The following ARHGAP44 variants were observed in gnomAD, a reference collection of about 807,000 sequenced individuals.
ARHGAP44 encodes the protein rho GTPase-activating protein 44.
ARHGAP44 carries 43 observed loss-of-function variants against 106.8 expected under a neutral mutation model. That is an observed-to-expected ratio of 0.40 (90% CI 0.32 to 0.52). The LOEUF is 0.52. ARHGAP44 is among the 20% of genes least tolerant of loss of function. The pLI is 0.48. For missense variants in ARHGAP44, 866 were observed against 1,050.5 expected (o/e 0.82, Z 2.43); for synonymous variants, 439 against 410.3 (o/e 1.07, Z -0.85).
intron 1 of ARHGAP44, among the ~76,000 whole-genome samples, chr17:12,825,085 G>C (rs1217212522): frequency 6.6e-6 from 1 of 151,900 alleles, no homozygotes; most frequent in African/African-American, 2.4e-5. Context: ...ACCCAGGCTG[G>C]AGTTCAGTGG....
Position 12,952,568 on chromosome 17 carries a change from CACA to C in ARHGAP44, c.1130_1132del (p.Asn377del). On this transcript the variant is annotated inframe_deletion, in exon 13 of 21. Transcript: ENST00000379672. Reference sequence around the variant, plus strand: ...TTGTGAAAAGTTGCCCAAGGCCAATCACAACAACATCCGGTAAGTGGATACTTA... The same window carrying C: ...TTGTGAAAAGTTGCCCAAGGCCAATCACAACATCCGGTAAGTGGATACTTA... 1 of 1,572,010 alleles carries C rather than the reference CACA, an allele frequency of 6.4e-7. No individual in the cohort carries two copies.
In ARHGAP44 at chr17:12,896,454, C is replaced by T; in HGVS notation, c.141C>T (p.His47=). Residue 47 remains histidine (H), a synonymous_variant, in exon 3 of 21, where the codon CAC becomes CAT. Transcript: ENST00000379672. ...TGAAACAGGTGTCCCACAGCACGCA[C>T]AAGAAGCTCACCGCATGTCTGCAGG... is the stretch of plus-strand genomic sequence containing the variant. The part of the protein sequence containing the change: ...ELVKQVSHST[H]KKLTACLQGQ... 6.2e-7 allele frequency: 1 copy of T among 1,610,086 alleles called. No individual in the cohort carries two copies. Among genetic ancestry groups the T allele is most frequent in the African/African-American group, 1.3e-5 (1 of 74,968 alleles).
chr17:12,952,815 G>T lies in ARHGAP44; in HGVS notation c.1136+234G>T, dbSNP rs576795759. 2.8e-5 allele frequency among the ~76,000 whole-genome samples: 4 copies of T among 140,362 alleles called. No homozygotes were observed. The East Asian group carries it at 9.1e-4, about 32-fold the overall frequency. 92.1% of individuals were successfully genotyped at this position (140,362 alleles called of 152,430 possible). On this transcript the variant is annotated intron_variant, in intron 13 of 20. Coordinates refer to ENST00000379672, the MANE Select transcript of ARHGAP44 (RefSeq NM_014859.6). ...GTGGGATGATCTCAGCTCACTGCAAGCTCCGCCTCCCAGGTTCACACCATT... is the reference window on the plus strand; with the variant it reads ...GTGGGATGATCTCAGCTCACTGCAATCTCCGCCTCCCAGGTTCACACCATT...
intron 7 of ARHGAP44, among the ~76,000 whole-genome samples, chr17:12,936,907 C>A (rs927832435): frequency 6.6e-6 from 1 of 152,178 alleles, no homozygotes; most frequent in East Asian, 1.9e-4. Flanking sequence ...GATCCTTGTT[C>A]AGTCTGTTTT....
chr17:12,847,184 T>A (rs8070263), intron 1 of ARHGAP44, among the ~76,000 whole-genome samples: 220 of 152,358 alleles, frequency 1.4e-3, no homozygotes, highest in African/African-American at 4.9e-3. Context: ...AAAATGTGTT[T>A]TGCGTTGCTG....
chr17:12,857,698 C>T (rs2035950472), intron 1 of ARHGAP44, among the ~76,000 whole-genome samples: 1 of 152,148 alleles, frequency 6.6e-6, no homozygotes, highest in Non-Finnish European at 1.5e-5. Flanking sequence ...TAGGAAATGA[C>T]TAGTGACCGT....
At chr17:12,980,435 C>T (rs1172999611) in intron 19 of ARHGAP44, among the ~76,000 whole-genome samples, 2 of 152,180 alleles carry the variant, frequency 1.3e-5, no homozygotes, top group African/African-American at 2.4e-5. Flanking sequence ...CAGGTGGGCT[C>T]ATTAGGGGCG....
intron 13 of ARHGAP44, among the ~76,000 whole-genome samples, chr17:12,954,289 T>A (rs2039073976): frequency 6.6e-6 from 1 of 152,184 alleles, no homozygotes; most frequent in Admixed American, 6.5e-5. Flanking sequence ...ACACTGTGAA[T>A]GTACTTAATG....
intron 16 of ARHGAP44, among the ~76,000 whole-genome samples, chr17:12,964,552 G>A (rs2039344700): frequency 6.6e-6 from 1 of 152,176 alleles, no homozygotes; most frequent in Admixed American, 6.6e-5. Context: ...AGGCCAAGGT[G>A]GGCGGATCAC....
chr17:12,899,897 A>G (rs1345373004), intron 3 of ARHGAP44, among the ~76,000 whole-genome samples: 1 of 152,172 alleles, frequency 6.6e-6, no homozygotes, highest in Non-Finnish European at 1.5e-5. Flanking sequence ...CTCTTTAGTC[A>G]TGTGTTCCAA....
chr17:12,930,112 T>C (rs1247424798), intron 7 of ARHGAP44, among the ~76,000 whole-genome samples: 1 of 152,254 alleles, frequency 6.6e-6, no homozygotes, highest in East Asian at 1.9e-4. Flanking sequence ...GTGCAGCTGA[T>C]TTGTCATTTG....
intron 1 of ARHGAP44, among the ~76,000 whole-genome samples, chr17:12,831,519 G>A (rs1009265777): frequency 1.3e-5 from 2 of 152,148 alleles, no homozygotes; most frequent in South Asian, 4.1e-4. Context: ...GTAGAGTCAG[G>A]GAAGTGAAAA....
Position 12,868,221 on chromosome 17 carries a change from G to T in ARHGAP44, c.54-26719G>T, listed in dbSNP as rs186819393. Among the ~76,000 whole-genome samples the T allele has an allele frequency of 2.1e-3, 323 of 152,120 alleles. 2 individuals carry two copies. The highest frequency in any genetic ancestry group is 7.1e-3 in the African/African-American group (294 of 41,500). On this transcript the variant is annotated intron_variant, in intron 1 of 20. Transcript: ENST00000379672. ...CATCTTCTCTCTGCGTCTTCATATG[G>T]TCTTCCTTTTGTGTGTGTCTGTATC...
intron 1 of ARHGAP44, among the ~76,000 whole-genome samples, chr17:12,823,156 C>G (rs375415306): frequency 3.3e-5 from 5 of 152,232 alleles, no homozygotes; most frequent in African/African-American, 1.2e-4. Context: ...CTCAGTTTCC[C>G]TTAATACTTC....
At chr17:12,862,491 T>C (rs1456353977) in intron 1 of ARHGAP44, among the ~76,000 whole-genome samples, 4 of 152,186 alleles carry the variant, frequency 2.6e-5, no homozygotes, top group African/African-American at 9.7e-5. Flanking sequence ...AACATCTGCA[T>C]TGATGACCCA....
In ARHGAP44 at chr17:12,958,718, G is replaced by C. The variant is rs528206366; in HGVS notation, c.1344G>C (p.Glu448Asp). 90 of 1,613,812 alleles carry C rather than the reference G, an allele frequency of 5.6e-5. No homozygotes were observed. The South Asian group carries it at 9.3e-4, about 17-fold the overall frequency. The change falls in exon 16 of 21, where the codon GAG (glutamate) becomes GAC (aspartate). Residue 448 changes from glutamate (E) to aspartate (D), a missense_variant and splice_region_variant. Around this residue, in one of 2 missense-constraint regions of ARHGAP44, gnomAD observed 448 missense variants for 646.9 expected, o/e 0.69. Transcript: ENST00000379672. This position sits in a 1 kb window ranked among gnomAD's most constrained non-coding sequence, Gnocchi z 4.1. ...GTACCAATTCTTTCTTCCCCGCAGAGATAGAGTTCAACATTACTGGCAATT... is the reference window on the plus strand; with the variant it reads ...GTACCAATTCTTTCTTCCCCGCAGACATAGAGTTCAACATTACTGGCAATT... ...IQHADWFFPG[E>D]IEFNITGNYG... is the part of the protein sequence containing the mutation.
intron 3 of ARHGAP44, among the ~76,000 whole-genome samples, chr17:12,907,024 T>C (rs2037571664): frequency 6.6e-6 from 1 of 152,022 alleles, no homozygotes; most frequent in African/African-American, 2.4e-5. Context: ...ATGAGAGCAG[T>C]GTCTAGTTTT....
chr17:12,906,925 G>C (rs1446313011), intron 3 of ARHGAP44, among the ~76,000 whole-genome samples: 2 of 151,060 alleles, frequency 1.3e-5, no homozygotes, highest in South Asian at 2.1e-4. Context: ...GGGAGATAGG[G>C]CCAGACCTTG....
intron 20 of ARHGAP44, chr17:12,987,274 C>T (rs928646940): frequency 4.7e-6 from 4 of 844,482 alleles, no homozygotes; most frequent in South Asian, 2.1e-5. Context: ...CTTCACTCTC[C>T]AGCCTTCCCC....
Sources: allele counts gnomAD v4.1 joint callset (sites outside exome capture counted in the v4.1 genomes callset), GRCh38; gene constraint gnomAD v4.1.1; regional missense constraint gnomAD v4.1.1; non-coding constraint Gnocchi (gnomAD v3.1); transcripts MANE v1.5; gene names NCBI Gene and HGNC (gene_info 2026-07-23, HGNC 2026-07-21).